Variants in DPP10 observed in about 807,000 individuals in gnomAD.
The protein encoded by DPP10 is inactive dipeptidyl peptidase 10.
Under a neutral mutation model 120.9 loss-of-function variants are expected in DPP10, and 33 were observed. The ratio of observed to expected loss-of-function variants is 0.27; its 90% CI spans 0.21 to 0.37. The LOEUF (loss-of-function observed/expected upper bound fraction) is 0.37, where lower values mean the gene tolerates loss of function less well. Ranked by LOEUF, DPP10 falls within the 10% of genes least tolerant of loss-of-function variation. The probability of loss-of-function intolerance (pLI) is 1.00; values close to 1 mark genes in which losing one functional copy is unlikely to be tolerated. For synonymous variants in DPP10, 337 were observed against 326.1 expected, an observed-to-expected ratio of 1.03 and a Z score of -0.36; for missense variants, 816 against 942.8, an observed-to-expected ratio of 0.87 and a Z score of 1.76.
At chr2:115,676,804 C>A (rs1284261539) in intron 5 of DPP10, among the ~76,000 whole-genome samples, 1 of 152,148 alleles carries the variant, frequency 6.6e-6, no homozygotes, top group Non-Finnish European at 1.5e-5. Flanking sequence ...AAACTCAATT[C>A]TTGGAAGATG....
At chr2:115,680,718 A>G (rs2090591882) in intron 5 of DPP10, among the ~76,000 whole-genome samples, 1 of 152,020 alleles carries the variant, frequency 6.6e-6, no homozygotes, top group African/African-American at 2.4e-5. Context: ...TAGAGTAAAC[A>G]TATAAAGTTT....
chr2:114,870,384 A>G (rs2106560090), intron 1 of DPP10, among the ~76,000 whole-genome samples: 1 of 152,272 alleles, frequency 6.6e-6, no homozygotes, highest in African/African-American at 2.4e-5. Flanking sequence ...TTTTTATTTT[A>G]GTACAGAACA....
chr2:114,576,331 T>C (rs1234631503), intron 1 of DPP10, among the ~76,000 whole-genome samples: 1 of 152,202 alleles, frequency 6.6e-6, no homozygotes, highest in Admixed American at 6.5e-5. Flanking sequence ...CATTTGTTTG[T>C]GTCACTACCT....
At chr2:115,245,390 A>G (rs532970262) in intron 1 of DPP10, among the ~76,000 whole-genome samples, 3 of 152,310 alleles carry the variant, frequency 2.0e-5, no homozygotes, top group African/African-American at 7.2e-5. Context: ...GCTCAACATC[A>G]CTAATTATCA....
In DPP10 at chr2:115,727,942, T is replaced by C. The variant is rs777700379; in HGVS notation, c.697+6T>C. Reference sequence around the variant, plus strand: ...TGCTGACTGGTTATATGAAGGTGAGTTGATCAGATTTAGTTTCAAAGGAAA... The same window carrying C: ...TGCTGACTGGTTATATGAAGGTGAGCTGATCAGATTTAGTTTCAAAGGAAA... On this transcript the variant is annotated splice_donor_region_variant and intron_variant, in intron 8 of 25. Coordinates refer to ENST00000410059, the MANE Select transcript of DPP10 (RefSeq NM_020868.6). 3 of 1,593,104 alleles carry C rather than the reference T, an allele frequency of 1.9e-6. No individual in the cohort carries two copies. The highest frequency in any genetic ancestry group is 3.7e-5 in the Admixed American group (2 of 54,472).
intron 1 of DPP10, among the ~76,000 whole-genome samples, chr2:114,688,364 C>A (rs1163784466): frequency 1.3e-5 from 2 of 151,870 alleles, no homozygotes; most frequent in African/African-American, 4.8e-5. Flanking sequence ...ATTTTTTCTA[C>A]CTAGATGTAC....
At chr2:115,533,200 G>A (rs1575112108) in intron 5 of DPP10, among the ~76,000 whole-genome samples, 1 of 152,134 alleles carries the variant, frequency 6.6e-6, no homozygotes, top group East Asian at 1.9e-4. Context: ...AGCAGAATTA[G>A]AGCTGTCCTC....
intron 1 of DPP10, among the ~76,000 whole-genome samples, chr2:114,981,951 T>A (rs1371570575): frequency 6.6e-6 from 1 of 151,742 alleles, no homozygotes; most frequent in Non-Finnish European, 1.5e-5. Flanking sequence ...TCCAGTGCAG[T>A]GGCCCGGATC....
At chr2:115,454,840 A>T (rs895430539) in intron 3 of DPP10, among the ~76,000 whole-genome samples, 1 of 151,708 alleles carries the variant, frequency 6.6e-6, no homozygotes, top group African/African-American at 2.4e-5. Flanking sequence ...GAGATCCATA[A>T]TAAACTACTT....
intron 1 of DPP10, among the ~76,000 whole-genome samples, chr2:114,985,959 CAAGT>C (rs1263131756): frequency 1.3e-5 from 2 of 152,182 alleles, no homozygotes; most frequent in Middle Eastern, 3.4e-3. Context: ...TTAGAATGCA[CAAGT>C]AAGTGGAATA....
chr2:115,339,658 A>T (rs1008994498), intron 2 of DPP10, among the ~76,000 whole-genome samples: 1 of 152,204 alleles, frequency 6.6e-6, no homozygotes, highest in Non-Finnish European at 1.5e-5. Flanking sequence ...TACATTCAAC[A>T]ACTTGAATGG....
At chr2:114,912,961 G>A (rs950155528) in intron 1 of DPP10, among the ~76,000 whole-genome samples, 4 of 152,166 alleles carry the variant, frequency 2.6e-5, no homozygotes, top group African/African-American at 9.7e-5. Context: ...CCTCTAGGTG[G>A]CTTTAGCCTG....
intron 1 of DPP10, among the ~76,000 whole-genome samples, chr2:115,025,656 T>C (rs1703406989): frequency 6.6e-6 from 1 of 152,138 alleles, no homozygotes; most frequent in African/African-American, 2.4e-5. Context: ...TCAACATCTT[T>C]GTCAGCATCT....
Position 115,739,888 on chromosome 2 carries a change from C to A in DPP10, c.847C>A (p.Pro283Thr). The part of the protein sequence containing the change: ...LYPKGKQYPY[P>T]KAGQVNPTIK... ...TCCCAAAGGAAAGCAGTATCCGTAT[C>A]CTAAGGTAAGTAACATGGAAGTACT... The change falls in exon 9 of 26, where the codon CCT (proline) becomes ACT (threonine). Residue 283 changes from proline (P) to threonine (T), a missense_variant. By Grantham distance (38) the Pro-to-Thr change is conservative. Around this residue, in one of 3 missense-constraint regions of DPP10, gnomAD observed 592 missense variants for 649.0 expected, o/e 0.91. Coordinates refer to ENST00000410059, the MANE Select transcript of DPP10 (RefSeq NM_020868.6). 6.2e-7 allele frequency: 1 copy of A among 1,613,020 alleles called. No individual in the cohort carries two copies. The highest frequency in any genetic ancestry group is 8.5e-7 in the Non-Finnish European group (1 of 1,179,180).
chr2:115,308,530 C>A (rs1295687906), intron 1 of DPP10, among the ~76,000 whole-genome samples: 2 of 152,006 alleles, frequency 1.3e-5, no homozygotes, highest in African/African-American at 4.8e-5. Flanking sequence ...GAGCACAGAT[C>A]ATTGGAGGAA....
intron 2 of DPP10, among the ~76,000 whole-genome samples, chr2:115,335,719 T>C (rs1346557659): frequency 6.6e-6 from 1 of 151,890 alleles, no homozygotes; most frequent in Non-Finnish European, 1.5e-5. Context: ...CAAGGAGGGG[T>C]AGAAGTGATG....
intron 5 of DPP10, among the ~76,000 whole-genome samples, chr2:115,636,770 A>G (rs2086370704): frequency 6.6e-6 from 1 of 152,196 alleles, no homozygotes; most frequent in Non-Finnish European, 1.5e-5. Flanking sequence ...AAAAATTACC[A>G]CATAGCTGAA....
chr2:115,037,980 A>G (rs1402675742), intron 1 of DPP10, among the ~76,000 whole-genome samples: 2 of 152,156 alleles, frequency 1.3e-5, no homozygotes, highest in Non-Finnish European at 2.9e-5. Flanking sequence ...ACCATCACAT[A>G]TTATTCTATT....
At chr2:115,595,598 T>A (rs2082938608) in intron 5 of DPP10, among the ~76,000 whole-genome samples, 1 of 152,122 alleles carries the variant, frequency 6.6e-6, no homozygotes, top group Non-Finnish European at 1.5e-5. Context: ...AATAATTCCC[T>A]TTAAATTTTA....
Sources: allele counts gnomAD v4.1 joint callset (sites outside exome capture counted in the v4.1 genomes callset), GRCh38; gene constraint gnomAD v4.1.1; regional missense constraint gnomAD v4.1.1; transcripts MANE v1.5; gene names NCBI Gene and HGNC (gene_info 2026-07-23, HGNC 2026-07-21).